Variants in ST6GALNAC3 observed in about 807,000 individuals in gnomAD.
ST6GALNAC3 encodes alpha-N-acetylgalactosaminide alpha-2,6-sialyltransferase 3.
ST6GALNAC3 carries 25 observed loss-of-function variants against 32.7 expected under a neutral mutation model. The ratio of observed to expected loss-of-function variants is 0.76; its 90% CI spans 0.56 to 1.07. ST6GALNAC3 has a LOEUF of 1.07. Ranked by LOEUF, ST6GALNAC3 falls within the 50% of genes least tolerant of loss-of-function variation. The pLI is 0.00. For missense variants in ST6GALNAC3, 355 were observed against 382.4 expected, an observed-to-expected ratio of 0.93 and a Z score of 0.60; for synonymous variants, 129 against 133.1, an observed-to-expected ratio of 0.97 and a Z score of 0.21.
intron 1 of ST6GALNAC3, among the ~76,000 whole-genome samples, chr1:76,276,888 T>G (rs1659163778): frequency 6.6e-6 from 1 of 152,222 alleles, no homozygotes; most frequent in African/African-American, 2.4e-5. Flanking sequence ...TACAGTTCAA[T>G]TTACCATTTT....
At chr1:76,452,275 G>T (rs1283134289) in intron 3 of ST6GALNAC3, among the ~76,000 whole-genome samples, 1 of 151,996 alleles carries the variant, frequency 6.6e-6, no homozygotes, top group Non-Finnish European at 1.5e-5. Context: ...ATCCACGTAA[G>T]ATGTGACTTG....
Position 76,313,949 on chromosome 1 carries a change from A to G in ST6GALNAC3, c.163A>G (p.Arg55Gly). 1 of 1,613,436 alleles carries G rather than the reference A, an allele frequency of 6.2e-7. No individual in the cohort carries two copies. The highest frequency in any genetic ancestry group is 1.7e-5 in the Admixed American group (1 of 59,924). The change falls in exon 2 of 5, where the codon AGG (arginine) becomes GGG (glycine). Residue 55 changes from arginine to glycine, a missense_variant. Physicochemically the swap from Arg to Gly is moderately radical, Grantham distance 125. Transcript: ENST00000328299. The stretch of plus-strand genomic sequence containing the variant: ...GTGGATACCATTCTCCTACACATAC[A>G]GGCGGCCCCTTCGAACTCACTATGG... The part of the protein sequence containing the change: ...TKWIPFSYTY[R>G]RPLRTHYGYI...
At chr1:76,488,688 C>A (rs1037484878) in intron 3 of ST6GALNAC3, among the ~76,000 whole-genome samples, 1 of 152,204 alleles carries the variant, frequency 6.6e-6, no homozygotes, top group East Asian at 1.9e-4. Context: ...CCAGTCCATT[C>A]CAGCATCTGT....
chr1:76,118,654 G>A (rs1326425745), intron 1 of ST6GALNAC3, among the ~76,000 whole-genome samples: 1 of 152,186 alleles, frequency 6.6e-6, no homozygotes, highest in African/African-American at 2.4e-5. Context: ...CATGATGCTT[G>A]CAAAAGGTAC....
intron 1 of ST6GALNAC3, among the ~76,000 whole-genome samples, chr1:76,281,423 G>A (rs922631376): frequency 7.9e-5 from 12 of 152,222 alleles, no homozygotes; most frequent in African/African-American, 2.9e-4. Flanking sequence ...GTGCTTTTCA[G>A]CAGGGAAGCT....
intron 1 of ST6GALNAC3, among the ~76,000 whole-genome samples, chr1:76,087,863 C>A (rs544006000): frequency 6.6e-6 from 1 of 152,322 alleles, no homozygotes; most frequent in South Asian, 2.1e-4. Flanking sequence ...ATTTTCTGGA[C>A]ACTTACTATA....
intron 3 of ST6GALNAC3, among the ~76,000 whole-genome samples, chr1:76,460,531 G>A (rs1365370465): frequency 6.6e-6 from 1 of 152,118 alleles, no homozygotes; most frequent in Non-Finnish European, 1.5e-5. Flanking sequence ...GAAATAAGCT[G>A]CCCTTTGATT....
At chr1:76,422,780 G>A (rs984314411) in intron 3 of ST6GALNAC3, among the ~76,000 whole-genome samples, 5 of 151,932 alleles carry the variant, frequency 3.3e-5, no homozygotes, top group African/African-American at 9.7e-5. Flanking sequence ...TGAACATTTG[G>A]TCCTATAATC....
intron 2 of ST6GALNAC3, among the ~76,000 whole-genome samples, chr1:76,390,180 C>G (rs948339728): frequency 6.6e-6 from 1 of 151,976 alleles, no homozygotes; most frequent in African/African-American, 2.4e-5. Context: ...TTTGGTGAAG[C>G]CATTTTGTAG....
intron 1 of ST6GALNAC3, among the ~76,000 whole-genome samples, chr1:76,218,499 A>G (rs1570472997): frequency 6.6e-6 from 1 of 152,250 alleles, no homozygotes; most frequent in East Asian, 1.9e-4. Flanking sequence ...ATCTACTGTA[A>G]AATACCTGAC....
At chr1:76,101,794 C>T (rs114797234) in intron 1 of ST6GALNAC3, among the ~76,000 whole-genome samples, 160 of 152,222 alleles carry the variant, frequency 1.1e-3, no homozygotes, top group African/African-American at 3.4e-3. Context: ...GATTTTCTAG[C>T]CATCTTTTCA....
intron 1 of ST6GALNAC3, among the ~76,000 whole-genome samples, chr1:76,222,254 A>G (rs1388754762): frequency 6.6e-6 from 1 of 152,136 alleles, no homozygotes; most frequent in African/African-American, 2.4e-5. Context: ...TCAACTCAAG[A>G]TGGATTAAAG....
Position 76,515,655 on chromosome 1 carries a change from G to C in ST6GALNAC3, c.623+103238G>C, listed in dbSNP as rs190558262. 2.0e-5 allele frequency among the ~76,000 whole-genome samples: 3 copies of C among 151,812 alleles called. No individual in the cohort carries two copies. The East Asian group carries it at 5.8e-4, about 29-fold the overall frequency. ...CAAGGAATTTTTAAATTTCCCTTTC[G>C]TCTACTTACCCAGTTGGTTACTTTG... On this transcript the variant is annotated intron_variant, in intron 3 of 4. Coordinates refer to ENST00000328299, the MANE Select transcript of ST6GALNAC3 (RefSeq NM_152996.4).
chr1:76,545,103 G>A (rs187851929), intron 3 of ST6GALNAC3, among the ~76,000 whole-genome samples: 2 of 152,238 alleles, frequency 1.3e-5, no homozygotes, highest in Admixed American at 1.3e-4. Context: ...CCTCATTTTG[G>A]TAGCAGAAAG....
At position 76,155,847 on chromosome 1, in the gene ST6GALNAC3, A is replaced by G. The variant is rs369084681; in HGVS notation, c.18+80963A>G. ...ATATTAGCATAACACATTTGTTACA[A>G]TTAGTGAAGGAATATTGATACATTA... is the stretch of plus-strand genomic sequence containing the variant. On this transcript the variant is annotated intron_variant, in intron 1 of 4. Transcript: ENST00000328299. Among the ~76,000 whole-genome samples, 4 of 152,248 alleles carry G rather than the reference A, an allele frequency of 2.6e-5. No individual in the cohort carries two copies. In the East Asian group the frequency reaches 5.8e-4, roughly 22 times the overall value.
At chr1:76,441,051 G>A (rs1656547020) in intron 3 of ST6GALNAC3, among the ~76,000 whole-genome samples, 1 of 137,480 alleles carries the variant, frequency 7.3e-6, no homozygotes. Context: ...TCATGCCACT[G>A]CACTCCAGCC....
intron 1 of ST6GALNAC3, among the ~76,000 whole-genome samples, chr1:76,275,364 AT>A (rs1317281841): frequency 9.9e-5 from 15 of 152,178 alleles, no homozygotes; most frequent in Admixed American, 8.5e-4. Context: ...TAAATAGAAC[AT>A]TTCACATTTT....
chr1:76,247,663 C>T (rs925337488), intron 1 of ST6GALNAC3, among the ~76,000 whole-genome samples: 2 of 152,168 alleles, frequency 1.3e-5, no homozygotes, highest in Admixed American at 6.5e-5. Flanking sequence ...ATGGCCGATG[C>T]CCCTCCCCCT....
At chr1:76,488,545 T>C (rs1660285188) in intron 3 of ST6GALNAC3, among the ~76,000 whole-genome samples, 1 of 152,222 alleles carries the variant, frequency 6.6e-6, no homozygotes, top group Non-Finnish European at 1.5e-5. Flanking sequence ...CTTAGATCCA[T>C]GCTGTATTTA....
Sources: allele counts gnomAD v4.1 joint callset (sites outside exome capture counted in the v4.1 genomes callset), GRCh38; gene constraint gnomAD v4.1.1; transcripts MANE v1.5; gene names NCBI Gene and HGNC (gene_info 2026-07-23, HGNC 2026-07-21).